FNBP1: variants seen among roughly 807,000 people sequenced by gnomAD.
FNBP1 encodes formin binding protein 1, also known as formin-binding protein 1.
FNBP1 carries 26 observed loss-of-function variants against 90.6 expected under a neutral mutation model. The ratio of observed to expected loss-of-function variants is 0.29; its 90% CI spans 0.21 to 0.40. The LOEUF is 0.40. Among genes scored for constraint, FNBP1 ranks in the 10% least tolerant of loss-of-function variants. FNBP1 has a pLI of 1.00. For missense variants in FNBP1, 635 were observed against 768.0 expected (o/e 0.83, Z 2.05); for synonymous variants, 260 against 265.2 (o/e 0.98, Z 0.19).
chr9:129,992,922 A>T (rs2053418847), intron 2 of FNBP1, among the ~76,000 whole-genome samples: 2 of 134,430 alleles, frequency 1.5e-5, no homozygotes, highest in East Asian at 2.1e-4. Flanking sequence ...GAAGAAAATT[A>T]AAAAAAAAAA....
intron 6 of FNBP1, among the ~76,000 whole-genome samples, chr9:129,950,323 T>A (rs1286977535): frequency 6.6e-6 from 1 of 152,202 alleles, no homozygotes; most frequent in Non-Finnish European, 1.5e-5. Flanking sequence ...ATTGGGTAAT[T>A]CATCATATCC....
upstream of FNBP1, among the ~76,000 whole-genome samples, chr9:130,046,179 G>C (rs1478422558): frequency 6.6e-6 from 1 of 152,064 alleles, no homozygotes; most frequent in Non-Finnish European, 1.5e-5. Context: ...TGAGATGACT[G>C]ATGGCTGACA....
chr9:129,927,751 G>A (rs1035473486), intron 7 of FNBP1, among the ~76,000 whole-genome samples: 3 of 145,968 alleles, frequency 2.1e-5, no homozygotes, highest in African/African-American at 7.6e-5. Flanking sequence ...TGGGATTACA[G>A]GCCCCACCCC....
intron 12 of FNBP1, among the ~76,000 whole-genome samples, chr9:129,908,376 T>A (rs960124702): frequency 1.3e-5 from 2 of 149,420 alleles, no homozygotes; most frequent in Non-Finnish European, 3.0e-5. Flanking sequence ...GCTAGTTTTT[T>A]TCTTTTTTTT....
chr9:129,943,523 A>T (rs2044675008), intron 6 of FNBP1, among the ~76,000 whole-genome samples: 1 of 150,528 alleles, frequency 6.6e-6, no homozygotes, highest in Non-Finnish European at 1.5e-5. Flanking sequence ...AGTAGCTGAG[A>T]TTACAGGTGT....
intron 2 of FNBP1, among the ~76,000 whole-genome samples, chr9:129,992,325 C>A (rs74708711): frequency 6.6e-6 from 1 of 152,128 alleles, no homozygotes; most frequent in Admixed American, 6.6e-5. Context: ...TGTTCTATTC[C>A]TACTTTCAGT....
intron 1 of FNBP1, among the ~76,000 whole-genome samples, chr9:130,014,745 C>T (rs10760653): frequency 0.67 from 101,325 of 151,860 alleles, 34,452 homozygotes; most frequent in East Asian, 0.82. Flanking sequence ...GAGCCTCTGC[C>T]AATTAGAGAT....
chr9:129,995,368 G>A (rs1000231745), intron 1 of FNBP1, among the ~76,000 whole-genome samples: 5 of 152,122 alleles, frequency 3.3e-5, no homozygotes, highest in South Asian at 2.1e-4. Flanking sequence ...GCCGAGGAAC[G>A]GGGGGAAGTG....
At chr9:129,932,985 T>G (rs1056589020) in intron 6 of FNBP1, among the ~76,000 whole-genome samples, 2 of 152,144 alleles carry the variant, frequency 1.3e-5, no homozygotes, top group African/African-American at 4.8e-5. Flanking sequence ...AAATTCCCAT[T>G]AGACCTCAAA....
intron 2 of FNBP1, among the ~76,000 whole-genome samples, chr9:129,987,294 T>C (rs1056186842): frequency 6.6e-6 from 1 of 151,998 alleles, no homozygotes; most frequent in African/African-American, 2.4e-5. Context: ...AGAGAGGCTG[T>C]TGTAGAGAGA....
rs564384900 is a variant in FNBP1 at position 129,945,475 on chromosome 9, C to T, written c.513+11885G>A. Among the ~76,000 whole-genome samples, 7 of 152,250 alleles carry T rather than the reference C, an allele frequency of 4.6e-5. No individual in the cohort carries two copies. The East Asian group carries it at 1.3e-3, about 29-fold the overall frequency. ...AAGAAACAGAAACGTGGGGAAGGCA[C>T]TGAAGATATTAACATGTTCCATAAA... On this transcript the variant is annotated intron_variant, in intron 6 of 16. Coordinates refer to ENST00000446176, the MANE Select transcript of FNBP1 (RefSeq NM_015033.3).
At chr9:130,017,399 CCAT>C (rs1326654057) in intron 1 of FNBP1, among the ~76,000 whole-genome samples, 3 of 152,186 alleles carry the variant, frequency 2.0e-5, no homozygotes, top group Non-Finnish European at 4.4e-5. Flanking sequence ...AGAAATCCCA[CCAT>C]GTTTGGCTCT....
intron 6 of FNBP1, among the ~76,000 whole-genome samples, chr9:129,951,088 C>T (rs544429065): frequency 1.3e-5 from 2 of 150,676 alleles, no homozygotes; most frequent in Non-Finnish European, 2.9e-5. Flanking sequence ...TCTCGAGTAG[C>T]TGGGATTACA....
intron 12 of FNBP1, among the ~76,000 whole-genome samples, chr9:129,906,207 A>G (rs556639087): frequency 6.6e-6 from 1 of 152,248 alleles, no homozygotes; most frequent in East Asian, 1.9e-4. Context: ...TGTTATTGGT[A>G]TCCAGCTTAA....
chr9:129,902,262 T>A (rs1588399373), intron 13 of FNBP1, among the ~76,000 whole-genome samples: 2 of 152,212 alleles, frequency 1.3e-5, no homozygotes, highest in African/African-American at 2.4e-5. Flanking sequence ...CCCAATTTTA[T>A]TACCATGAGA....
intron 11 of FNBP1, 99 bp from the exon 12 acceptor site, chr9:129,909,098 G>GC: frequency 1.3e-6 from 1 of 797,738 alleles, no homozygotes; most frequent in Admixed American, 1.8e-5. Context: ...GCAGACATCT[G>GC]CATGTGGCTT....
intron 1 of FNBP1, among the ~76,000 whole-genome samples, chr9:129,995,351 A>C (rs2053820398): frequency 6.6e-6 from 1 of 152,186 alleles, no homozygotes; most frequent in Non-Finnish European, 1.5e-5. Context: ...CAGCTGATTG[A>C]ATCTGAGCCG....
intron 1 of FNBP1, among the ~76,000 whole-genome samples, chr9:130,004,371 C>A (rs976513616): frequency 1.3e-5 from 2 of 152,122 alleles, no homozygotes; most frequent in Non-Finnish European, 1.5e-5. Context: ...GGCACAGACT[C>A]CAGGAAAGGG....
intron 1 of FNBP1, among the ~76,000 whole-genome samples, chr9:130,007,249 AAAAAAAAAG>A (rs1171273244): frequency 6.7e-5 from 10 of 148,910 alleles, no homozygotes; most frequent in South Asian, 2.1e-4. Context: ...CAAAAAAAAA[AAAAAAAAAG>A]AAAAAAAAAA....
Sources: gnomAD v4.1 joint callset for allele counts (sites outside exome capture counted in the v4.1 genomes callset) on GRCh38, gnomAD v4.1.1 for gene constraint, MANE v1.5 for transcripts, NCBI Gene and HGNC (gene_info 2026-07-23, HGNC 2026-07-21) for gene names.